Variants in IQCJ observed in about 807,000 individuals in gnomAD.
IQCJ encodes IQ motif containing J, also known as IQ domain-containing protein J.
In IQCJ, 9 loss-of-function variants were observed where a neutral mutation model predicts 11.0. That is an observed-to-expected ratio of 0.82 (90% CI 0.49 to 1.43). The LOEUF (loss-of-function observed/expected upper bound fraction) is 1.43, where lower values mean the gene tolerates loss of function less well. Ranked by LOEUF, IQCJ falls within the 40% of genes most tolerant of loss-of-function variation. The probability of loss-of-function intolerance (pLI) is 0.00; values close to 1 mark genes in which losing one functional copy is unlikely to be tolerated. For synonymous variants in IQCJ, 55 were observed against 51.3 expected (o/e 1.07, Z -0.31); for missense variants, 146 against 133.2 (o/e 1.10, Z -0.47).
At chr3:159,134,953 T>C (rs887216421) in intron 1 of IQCJ, among the ~76,000 whole-genome samples, 1 of 152,226 alleles carries the variant, frequency 6.6e-6, no homozygotes, top group African/African-American at 2.4e-5. Flanking sequence ...GTAAGTCTAC[T>C]TGGGAAAATG....
At chr3:159,225,556 T>C (rs1368130952) in intron 1 of IQCJ, among the ~76,000 whole-genome samples, 1 of 152,132 alleles carries the variant, frequency 6.6e-6, no homozygotes, top group Non-Finnish European at 1.5e-5. Context: ...AATTAAAATA[T>C]AGTTTGTGAA....
intron 1 of IQCJ, among the ~76,000 whole-genome samples, chr3:159,135,811 T>A (rs17726795): frequency 0.29 from 44,671 of 152,074 alleles, 7,372 homozygotes; most frequent in Non-Finnish European, 0.39. Flanking sequence ...ACATGTAACC[T>A]TTAGGCAGCC....
intron 1 of IQCJ, among the ~76,000 whole-genome samples, chr3:159,237,517 C>A (rs1414447766): frequency 6.6e-6 from 1 of 152,186 alleles, no homozygotes; most frequent in African/African-American, 2.4e-5. Context: ...ACTCTTATAA[C>A]AGTGGGAAGC....
At chr3:159,069,512 A>T in intron 1 of IQCJ, 71 bp downstream of exon 1, 2 of 1,554,050 alleles carry the variant, frequency 1.3e-6, no homozygotes, top group Non-Finnish European at 1.7e-6. Flanking sequence ...ATTTTTTAAA[A>T]ATCTGTCTTC....
rs74923751 is a variant in IQCJ at position 159,262,503 on chromosome 3, A to G, written c.156-45A>G. On this transcript the variant is annotated intron_variant, in intron 3 of 3. Coordinates refer to ENST00000397832, the MANE Select transcript of IQCJ (RefSeq NM_001042706.3). ...CTGAGTCTGTGGACCATGATCCAAC[A>G]GTAATCATGTGTGTGCTGTTTTTTG... 5.7e-3 allele frequency: 9,012 copies of G among 1,593,686 alleles called. 460 individuals are homozygous for G. The African/African-American group carries it at 0.11, about 19-fold the overall frequency.
At chr3:159,123,506 TG>T (rs1719498519) in intron 1 of IQCJ, among the ~76,000 whole-genome samples, 1 of 151,872 alleles carries the variant, frequency 6.6e-6, no homozygotes, top group South Asian at 2.1e-4. Flanking sequence ...GTGATGATGG[TG>T]GGTGGTTTGG....
At chr3:159,234,850 A>G (rs1352807699) in intron 1 of IQCJ, among the ~76,000 whole-genome samples, 1 of 152,156 alleles carries the variant, frequency 6.6e-6, no homozygotes, top group Non-Finnish European at 1.5e-5. Context: ...ATCACTTAGT[A>G]AATACATAAG....
At chr3:159,083,924 G>C (rs915207323) in intron 1 of IQCJ, among the ~76,000 whole-genome samples, 1 of 152,040 alleles carries the variant, frequency 6.6e-6, no homozygotes, top group Non-Finnish European at 1.5e-5. Context: ...GGAAGGAGGC[G>C]GGTGGGCCGT....
chr3:159,090,495 C>G (rs1178695452), intron 1 of IQCJ, among the ~76,000 whole-genome samples: 1 of 151,714 alleles, frequency 6.6e-6, no homozygotes, highest in Admixed American at 6.6e-5. Flanking sequence ...GCACATCGTC[C>G]GTAGAGTTGG....
At position 159,263,368 on chromosome 3, in the gene IQCJ, C is replaced by T; in HGVS notation, c.*637C>T. The stretch of plus-strand genomic sequence containing the variant: ...GTAAAGTAAGCATGCCTACAGACCA[C>T]AATTGACCTACAGGCCACCAGTTTA... On this transcript the variant is annotated 3_prime_UTR_variant, in exon 4 of 4. Transcript: ENST00000397832. 7 of 837,350 alleles carry T rather than the reference C, an allele frequency of 8.4e-6. No homozygotes were observed. The highest frequency in any genetic ancestry group is 1.0e-5 in the Non-Finnish European group (7 of 695,130). The allele number at this position is 837,350 out of a possible 1,614,324, so 51.9% of individuals were successfully genotyped here. A position where few individuals can be genotyped will look rare whatever the true frequency, so the allele number is the denominator to read the frequency against.
At chr3:159,195,352 G>T (rs1333524872) in intron 1 of IQCJ, among the ~76,000 whole-genome samples, 1 of 152,126 alleles carries the variant, frequency 6.6e-6, no homozygotes, top group African/African-American at 2.4e-5. Context: ...TTATTGGTTT[G>T]GTGGCCAAGA....
intron 1 of IQCJ, among the ~76,000 whole-genome samples, chr3:159,218,644 A>C (rs114597408): frequency 6.6e-6 from 1 of 152,152 alleles, no homozygotes; most frequent in African/African-American, 2.4e-5. Context: ...TAGGTTGAAG[A>C]AGTGTTTATA....
intron 1 of IQCJ, among the ~76,000 whole-genome samples, chr3:159,169,593 G>A (rs1722384418): frequency 6.6e-6 from 1 of 152,066 alleles, no homozygotes; most frequent in African/African-American, 2.4e-5. Context: ...CCCTGCCAAA[G>A]CCCATGTTCC....
At chr3:159,086,939 A>C (rs1158852760) in intron 1 of IQCJ, among the ~76,000 whole-genome samples, 34 of 152,242 alleles carry the variant, frequency 2.2e-4, no homozygotes, top group Non-Finnish European at 4.6e-4. Context: ...CCCTGGCCAA[A>C]ACTTCCAACA....
At chr3:159,070,055 G>A (rs188992774) in intron 1 of IQCJ, 71 of 184,886 alleles carry the variant, frequency 3.8e-4, no homozygotes, top group African/African-American at 1.5e-3. Context: ...ACGTTGATCC[G>A]CAGTGTTCAG....
chr3:159,162,279 T>C (rs1351251530), intron 1 of IQCJ, among the ~76,000 whole-genome samples: 1 of 152,340 alleles, frequency 6.6e-6, no homozygotes, highest in Non-Finnish European at 1.5e-5. Flanking sequence ...AGGTATTTTA[T>C]TCTCTTTGAA....
At chr3:159,118,503 C>G (rs1348821536) in intron 1 of IQCJ, among the ~76,000 whole-genome samples, 1 of 152,022 alleles carries the variant, frequency 6.6e-6, no homozygotes, top group East Asian at 1.9e-4. Flanking sequence ...TCTCCAAAAA[C>G]CTAAAGAGGT....
In IQCJ at chr3:159,262,555, C is replaced by A. The variant is rs200636747; in HGVS notation, c.163C>A (p.Arg55=). The part of the protein sequence containing the change: ...PLESKVKIIQ[R]AWREYLQRQE... Reference sequence around the variant, plus strand: ...TTTGTTTTGTTTTTTCAGCATTCAGCGAGCATGGCGAGAGTACCTGCAGCG... The same window carrying A: ...TTTGTTTTGTTTTTTCAGCATTCAGAGAGCATGGCGAGAGTACCTGCAGCG... The change falls in exon 4 of 4, where the codon CGA becomes AGA. Residue 55 remains arginine, a synonymous_variant. Coordinates refer to ENST00000397832, the MANE Select transcript of IQCJ (RefSeq NM_001042706.3). The A allele has an allele frequency of 5.6e-6, 9 of 1,612,610 alleles. No individual in the cohort carries two copies. The highest frequency in any genetic ancestry group is 2.2e-5 in the East Asian group (1 of 44,878).
intron 1 of IQCJ, among the ~76,000 whole-genome samples, chr3:159,071,407 A>G (rs1210201965): frequency 6.6e-6 from 1 of 152,010 alleles, no homozygotes; most frequent in Non-Finnish European, 1.5e-5. Flanking sequence ...TCAATGTAGG[A>G]ATCTTGCCTT....
Sources: gnomAD v4.1 joint callset for allele counts (sites outside exome capture counted in the v4.1 genomes callset) on GRCh38, gnomAD v4.1.1 for gene constraint, MANE v1.5 for transcripts, NCBI Gene and HGNC (gene_info 2026-07-23, HGNC 2026-07-21) for gene names.